The following GPC5 variants were observed in gnomAD, a reference collection of about 807,000 sequenced individuals.
GPC5 encodes glypican 5.
In GPC5, 47 loss-of-function variants were observed where a neutral mutation model predicts 53.9. The ratio of observed to expected loss-of-function variants is 0.87; its 90% CI spans 0.69 to 1.11. The LOEUF (loss-of-function observed/expected upper bound fraction) is 1.11. GPC5 is among the 50% of genes most tolerant of loss of function. The pLI is 0.00. For synonymous variants in GPC5, 286 were observed against 263.3 expected (o/e 1.09, Z -0.84); for missense variants, 748 against 713.1 (o/e 1.05, Z -0.56).
At chr13:92,393,721 G>A (rs1875131958) in intron 7 of GPC5, among the ~76,000 whole-genome samples, 1 of 152,078 alleles carries the variant, frequency 6.6e-6, no homozygotes, top group Admixed American at 6.6e-5. Flanking sequence ...ATGAGGGAGA[G>A]TGGAAGGAGG....
At chr13:91,608,636 A>G (rs575488151) in intron 2 of GPC5, among the ~76,000 whole-genome samples, 2 of 152,302 alleles carry the variant, frequency 1.3e-5, no homozygotes, top group East Asian at 3.9e-4. Flanking sequence ...TTGCACAAAA[A>G]GCAGATTGTA....
chr13:91,893,089 T>C (rs1297024794), intron 5 of GPC5, among the ~76,000 whole-genome samples: 1 of 151,976 alleles, frequency 6.6e-6, no homozygotes, highest in Non-Finnish European at 1.5e-5. Flanking sequence ...ATGTAGCTGT[T>C]TTTATTAAAC....
chr13:92,257,604 G>A (rs1029345861), intron 7 of GPC5, among the ~76,000 whole-genome samples: 9 of 125,748 alleles, frequency 7.2e-5, no homozygotes, highest in Non-Finnish European at 1.3e-4. Flanking sequence ...AGACTGGAGT[G>A]CAATGGTGCA....
At chr13:92,300,436 A>G (rs563387235) in intron 7 of GPC5, among the ~76,000 whole-genome samples, 15 of 152,212 alleles carry the variant, frequency 9.9e-5, no homozygotes, top group African/African-American at 3.6e-4. Context: ...CCTAGAGTGG[A>G]CCCCAAATTT....
chr13:92,306,254 A>AT (rs143994772), intron 7 of GPC5, among the ~76,000 whole-genome samples: 3,799 of 152,292 alleles, frequency 0.025, 168 homozygotes, highest in African/African-American at 0.085. Flanking sequence ...AAGAAGTTAG[A>AT]TTTTTAATCC....
intron 2 of GPC5, among the ~76,000 whole-genome samples, chr13:91,635,091 G>A (rs1431025441): frequency 2.0e-5 from 3 of 152,074 alleles, no homozygotes; most frequent in Non-Finnish European, 2.9e-5. Context: ...TTGAGACAGA[G>A]GGAAGTGATT....
At chr13:92,682,137 C>T (rs1054463499) in intron 7 of GPC5, among the ~76,000 whole-genome samples, 1 of 152,142 alleles carries the variant, frequency 6.6e-6, no homozygotes, top group Non-Finnish European at 1.5e-5. Flanking sequence ...TTTGTCTCTA[C>T]CTCTTACATT....
At position 92,654,018 on chromosome 13, in the gene GPC5, C is replaced by T. The variant is rs182009276; in HGVS notation, c.1562-212264C>T. ...TATCCTTCTGTGTCCCACACTATCC[C>T]CCACAAATAGAACAGTGCCTTGCAC... On this transcript the variant is annotated intron_variant, in intron 7 of 7. Coordinates refer to ENST00000377067, the MANE Select transcript of GPC5 (RefSeq NM_004466.6). Among the ~76,000 whole-genome samples the T allele has an allele frequency of 1.4e-3, 212 of 152,294 alleles. 1 individual carries two copies. The highest frequency in any genetic ancestry group is 5.0e-3 in the African/African-American group (208 of 41,556).
intron 7 of GPC5, among the ~76,000 whole-genome samples, chr13:92,792,588 C>T (rs1002157494): frequency 1.3e-5 from 2 of 152,108 alleles, no homozygotes; most frequent in African/African-American, 2.4e-5. Flanking sequence ...TTAAAAGACA[C>T]AGACTGGCAA....
At chr13:92,069,699 A>G (rs185982904) in intron 6 of GPC5, among the ~76,000 whole-genome samples, 9 of 152,242 alleles carry the variant, frequency 5.9e-5, no homozygotes, top group African/African-American at 2.2e-4. Flanking sequence ...GGCTTCATTT[A>G]CAAAATGTAT....
At chr13:92,556,479 T>C (rs1288160089) in intron 7 of GPC5, among the ~76,000 whole-genome samples, 1 of 151,724 alleles carries the variant, frequency 6.6e-6, no homozygotes, top group African/African-American at 2.4e-5. Context: ...CGATGAGATA[T>C]TTATTAATAT....
chr13:92,643,370 T>C (rs1206980123), intron 7 of GPC5, among the ~76,000 whole-genome samples: 2 of 152,068 alleles, frequency 1.3e-5, no homozygotes, highest in Admixed American at 6.6e-5. Context: ...AGCCATCCCA[T>C]TACTGGGTAT....
At chr13:91,536,041 T>A (rs1363510112) in intron 2 of GPC5, among the ~76,000 whole-genome samples, 1 of 152,194 alleles carries the variant, frequency 6.6e-6, no homozygotes, top group Non-Finnish European at 1.5e-5. Flanking sequence ...CAGTATGTCA[T>A]TATATAAGTT....
At chr13:91,881,833 C>T (rs896473322) in intron 5 of GPC5, among the ~76,000 whole-genome samples, 6 of 152,096 alleles carry the variant, frequency 3.9e-5, no homozygotes, top group African/African-American at 7.2e-5. Flanking sequence ...AAAGGAGTCT[C>T]GCAGATGCAA....
intron 3 of GPC5, 72 bp from the exon 4 acceptor site, chr13:91,728,460 C>G (rs911203014): frequency 1.4e-6 from 2 of 1,466,426 alleles, no homozygotes; most frequent in African/African-American, 2.8e-5. Context: ...GTTTTGGGCC[C>G]TATGAAACAT....
intron 7 of GPC5, among the ~76,000 whole-genome samples, chr13:92,457,518 G>C (rs1227148482): frequency 1.3e-5 from 2 of 152,064 alleles, no homozygotes; most frequent in East Asian, 3.9e-4. Context: ...CACATTATCA[G>C]ACTGCTCTTT....
chr13:92,245,359 G>C (rs568151615), intron 7 of GPC5, among the ~76,000 whole-genome samples: 1 of 152,094 alleles, frequency 6.6e-6, no homozygotes, highest in East Asian at 1.9e-4. Flanking sequence ...ATTTATTTTT[G>C]TTTCTACCAT....
chr13:92,737,955 AG>A (rs1298038426), intron 7 of GPC5, among the ~76,000 whole-genome samples: 1 of 151,330 alleles, frequency 6.6e-6, no homozygotes, highest in Non-Finnish European at 1.5e-5. Flanking sequence ...TAATAGAGAC[AG>A]GGTCTCCATT....
chr13:91,611,883 C>CTA (rs2033562269), intron 2 of GPC5, among the ~76,000 whole-genome samples: 1 of 152,124 alleles, frequency 6.6e-6, no homozygotes, highest in South Asian at 2.1e-4. Context: ...ACTGCTGGGC[C>CTA]TCTGTGTTGT....
Sources: allele counts gnomAD v4.1 joint callset (sites outside exome capture counted in the v4.1 genomes callset), GRCh38; gene constraint gnomAD v4.1.1; transcripts MANE v1.5; gene names NCBI Gene and HGNC (gene_info 2026-07-23, HGNC 2026-07-21).